Variants in LRRC37A2 observed in about 807,000 individuals in gnomAD.
LRRC37A2 encodes the protein leucine rich repeat containing 37 member A2, also known as leucine-rich repeat-containing protein 37A2.
Under a neutral mutation model 68.8 loss-of-function variants are expected in LRRC37A2, and 9 were observed. That is an observed-to-expected ratio of 0.13 (90% confidence interval 0.08 to 0.23). LRRC37A2 has a LOEUF of 0.23. LRRC37A2 is among the 10% of genes least tolerant of loss of function. The pLI is 1.00. For missense variants in LRRC37A2, 168 were observed against 950.4 expected (o/e 0.18, Z 10.82); for synonymous variants, 63 against 367.6 (o/e 0.17, Z 9.48).
chr17:47,000,062 AT>A, the LRRC37A2 span, among the ~76,000 whole-genome samples: 61,088 of 80,592 alleles, frequency 0.76, 23,821 homozygotes, highest in East Asian at 0.88. Context: ...ATAAAATAAA[AT>A]TAAAATAAAA....
chr17:46,813,107 T>A, the LRRC37A2 span, among the ~76,000 whole-genome samples: 5 of 152,002 alleles, frequency 3.3e-5, no homozygotes, highest in African/African-American at 1.2e-4. Flanking sequence ...GGCAGCCAGC[T>A]CTTTGCGATT....
the LRRC37A2 span, among the ~76,000 whole-genome samples, chr17:46,928,941 A>C: frequency 6.6e-6 from 1 of 151,736 alleles, no homozygotes; most frequent in African/African-American, 2.4e-5. Context: ...TGCCTGTGAC[A>C]CCACTGTGCA....
the LRRC37A2 span, among the ~76,000 whole-genome samples, chr17:46,808,424 A>G: frequency 1.3e-5 from 2 of 152,254 alleles, no homozygotes; most frequent in African/African-American, 4.8e-5. Flanking sequence ...TTTGGGGAAC[A>G]AAGTAGAATA....
the LRRC37A2 span, chr17:46,941,881 T>A: frequency 1.0e-6 from 1 of 976,172 alleles, no homozygotes; most frequent in Non-Finnish European, 1.2e-6. Flanking sequence ...CCACTGTACC[T>A]GGCCTCTAAG....
the LRRC37A2 span, among the ~76,000 whole-genome samples, chr17:46,770,504 G>A: frequency 2.0e-5 from 3 of 152,032 alleles, no homozygotes; most frequent in Non-Finnish European, 4.4e-5. Context: ...GGAATCTACA[G>A]CCTAAACCTG....
At chr17:46,903,006 G>A in the LRRC37A2 span, among the ~76,000 whole-genome samples, 1 of 152,236 alleles carries the variant, frequency 6.6e-6, no homozygotes, top group Non-Finnish European at 1.5e-5. Context: ...AAGGGGCCAG[G>A]TGTGGTGGCT....
chr17:46,913,391 T>C, the LRRC37A2 span, among the ~76,000 whole-genome samples: 78 of 152,110 alleles, frequency 5.1e-4, no homozygotes, highest in African/African-American at 1.4e-3. Flanking sequence ...CTGTGACGAG[T>C]GCTGAGAGGG....
chr17:46,388,378 G>A, the LRRC37A2 span, among the ~76,000 whole-genome samples: 3 of 57,162 alleles, frequency 5.2e-5, 1 homozygote, highest in East Asian at 8.7e-4. Context: ...GAGAAACCTC[G>A]TCTCTACTAA....
chr17:46,897,760 G>C, the LRRC37A2 span, among the ~76,000 whole-genome samples: 1 of 152,166 alleles, frequency 6.6e-6, no homozygotes. Context: ...CAAGTGCTGG[G>C]ATTGCAGGTG....
chr17:47,025,624 T>C, the LRRC37A2 span, among the ~76,000 whole-genome samples: 2 of 150,320 alleles, frequency 1.3e-5, no homozygotes, highest in African/African-American at 4.9e-5. Flanking sequence ...AAGAAAGGGA[T>C]CCCTGTATTT....
the LRRC37A2 span, chr17:46,949,094 C>A: frequency 1.3e-5 from 2 of 152,220 alleles, no homozygotes; most frequent in African/African-American, 2.4e-5. Flanking sequence ...CACCTCACAG[C>A]CTCTGAGCAT....
At chr17:46,631,061 TACACACACACAC>T in the LRRC37A2 span, among the ~76,000 whole-genome samples, 11 of 122,762 alleles carry the variant, frequency 9.0e-5, no homozygotes, top group Non-Finnish European at 1.4e-4. Flanking sequence ...TCTCTCTCTG[TACACACACACAC>T]ACACACACAC....
At chr17:46,750,317 C>T in the LRRC37A2 span, among the ~76,000 whole-genome samples, 1 of 152,208 alleles carries the variant, frequency 6.6e-6, no homozygotes, top group African/African-American at 2.4e-5. Flanking sequence ...TGTGCCACTG[C>T]ACTCCAGTCT....
the LRRC37A2 span, chr17:46,726,622 C>T: frequency 6.2e-7 from 1 of 1,612,772 alleles, no homozygotes; most frequent in South Asian, 1.1e-5. Context: ...CTTGGTGAGT[C>T]CTAACTTCTG....
the LRRC37A2 span, chr17:46,939,297 G>A: frequency 9.9e-7 from 1 of 1,015,142 alleles, no homozygotes; most frequent in Non-Finnish European, 1.2e-6. Flanking sequence ...ATGACTGACT[G>A]CCAATACTTG....
the LRRC37A2 span, chr17:46,941,493 G>C: frequency 9.0e-6 from 8 of 892,884 alleles, no homozygotes; most frequent in Non-Finnish European, 1.1e-5. Flanking sequence ...CAGAAGCAGT[G>C]GGGAAGCTTT....
At chr17:46,923,189 C>T in the LRRC37A2 span, 11 of 1,542,142 alleles carry the variant, frequency 7.1e-6, no homozygotes, top group Admixed American at 9.8e-5. Flanking sequence ...GCGGGGCCGG[C>T]GACATGGATC....
the LRRC37A2 span, among the ~76,000 whole-genome samples, chr17:46,822,556 G>T: frequency 2.0e-5 from 3 of 152,222 alleles, no homozygotes; most frequent in African/African-American, 7.2e-5. Flanking sequence ...GCGAGGAAGG[G>T]GTCGCGCCTG....
the LRRC37A2 span, chr17:46,923,907 CG>C: frequency 2.5e-6 from 1 of 397,296 alleles, no homozygotes; most frequent in Non-Finnish European, 4.4e-6. Context: ...TTTTTGGGGG[CG>C]GGGGGCAGAA....
Sources: gnomAD v4.1 joint callset for allele counts (sites outside exome capture counted in the v4.1 genomes callset) on GRCh38, gnomAD v4.1.1 for gene constraint, MANE v1.5 for transcripts, NCBI Gene and HGNC (gene_info 2026-07-23, HGNC 2026-07-21) for gene names.